HAUS6: variants seen among roughly 807,000 people sequenced by gnomAD.
HAUS6 encodes HAUS augmin like complex subunit 6, also known as HAUS augmin-like complex subunit 6.
In HAUS6, 80 loss-of-function variants were observed where a neutral mutation model predicts 106.8. The ratio of observed to expected loss-of-function variants is 0.75; its 90% CI spans 0.63 to 0.90. The LOEUF (loss-of-function observed/expected upper bound fraction) is 0.90, where lower values mean the gene tolerates loss of function less well. Among genes scored for constraint, HAUS6 ranks in the 40% least tolerant of loss-of-function variants. HAUS6 has a pLI of 0.00. For missense variants in HAUS6, 1,155 were observed against 1,118.1 expected, an observed-to-expected ratio of 1.03 and a Z score of -0.47; for synonymous variants, 356 against 379.1, an observed-to-expected ratio of 0.94 and a Z score of 0.71.
At position 19,094,371 on chromosome 9, in the gene HAUS6, T is replaced by C. The variant is rs777747302; in HGVS notation, c.249A>G (p.Gln83=). Residue 83 remains glutamine, a synonymous_variant, in exon 3 of 17, where the codon CAA becomes CAG. Transcript: ENST00000380502. The part of the protein sequence containing the change: ...VFKFCWPPFD[Q]KSDTEFRKHC... ...GTTTTCGGAATTCAGTGTCACTTTT[T>C]TGGTCAAATGGGGGCCAACAAAATC... The C allele has an allele frequency of 6.2e-7, 1 of 1,608,248 alleles. No individual in the cohort carries two copies. The highest frequency in any genetic ancestry group is 8.5e-7 in the Non-Finnish European group (1 of 1,175,294).
At chr9:19,057,912 G>T in intron 16 of HAUS6, 49 bp downstream of exon 16, 1 of 1,094,290 alleles carries the variant, frequency 9.1e-7, no homozygotes, top group Non-Finnish European at 1.3e-6. Context: ...ATCAAAAGTT[G>T]AGAGAAAACT....
At chr9:19,098,877 C>T (rs890899821) in intron 1 of HAUS6, among the ~76,000 whole-genome samples, 27 of 152,026 alleles carry the variant, frequency 1.8e-4, no homozygotes, top group African/African-American at 5.8e-4. Context: ...ACAAAATTAG[C>T]AGGGCATGGT....
chr9:19,071,573 CT>C (rs34684530), intron 11 of HAUS6, among the ~76,000 whole-genome samples: 59,536 of 109,178 alleles, frequency 0.55, 14,147 homozygotes, highest in African/African-American at 0.66. Context: ...AAAATATTTT[CT>C]TTTTTTTTTT....
At chr9:19,089,348 A>T (rs1380032016) in intron 5 of HAUS6, 64 bp downstream of exon 5, 1 of 1,032,400 alleles carries the variant, frequency 9.7e-7, no homozygotes, top group African/African-American at 1.6e-5. Flanking sequence ...TTCTCCTGAC[A>T]TTATATTGGT....
chr9:19,067,933 A>G (rs1836798439), intron 12 of HAUS6, among the ~76,000 whole-genome samples: 1 of 151,850 alleles, frequency 6.6e-6, no homozygotes, highest in Non-Finnish European at 1.5e-5. Flanking sequence ...ACCTCAGGTG[A>G]GCCACCCACC....
At chr9:19,092,852 G>A (rs190904651) in intron 4 of HAUS6, among the ~76,000 whole-genome samples, 317 of 150,082 alleles carry the variant, frequency 2.1e-3, no homozygotes, top group Middle Eastern at 0.014. Context: ...TTGAACCTGG[G>A]AGGCAGAGGT....
At chr9:19,077,824 G>A (rs572950437) in intron 10 of HAUS6, among the ~76,000 whole-genome samples, 2 of 152,228 alleles carry the variant, frequency 1.3e-5, no homozygotes, top group Admixed American at 1.3e-4. Context: ...CTTTGGGGAG[G>A]CCGAGGCAGG....
rs181578658 is a variant in HAUS6 at position 19,075,632 on chromosome 9, C to T, written c.1294+970G>A. The stretch of plus-strand genomic sequence containing the variant: ...TATGACTTCATTTATATGAAATATC[C>T]AGAACAGACAAATACATAGAGATAA... On this transcript the variant is annotated intron_variant, in intron 11 of 16. Transcript: ENST00000380502. Among the ~76,000 whole-genome samples the T allele has an allele frequency of 4.6e-5, 7 of 151,802 alleles. No individual in the cohort carries two copies. The East Asian group carries it at 1.4e-3, about 29-fold the overall frequency.
chr9:19,089,509 G>GC lies in HAUS6; in HGVS notation c.486dup (p.His163AlafsTer12). ...AAATGGCATCTGGCAATGCATTTGT[G>GC]CAAGTCCTGTGGTTTTATGTTAAAT... On this transcript the variant is annotated frameshift_variant, in exon 5 of 17. Coordinates refer to ENST00000380502, the MANE Select transcript of HAUS6 (RefSeq NM_017645.5). LOFTEE classifies it high-confidence loss of function. 6.2e-7 allele frequency: 1 copy of GC among 1,610,066 alleles called. No individual in the cohort carries two copies. The highest frequency in any genetic ancestry group is 8.5e-7 in the Non-Finnish European group (1 of 1,176,376).
chr9:19,080,581 T>A lies in HAUS6; in HGVS notation c.962A>T (p.Glu321Val), dbSNP rs753756776. Reference sequence around the variant, plus strand: ...TCTTGCTTGATCAGCCTGACAACGTTCATATTTCATCACCTTCAAGACTTC... The same window carrying A: ...TCTTGCTTGATCAGCCTGACAACGTACATATTTCATCACCTTCAAGACTTC... ...LNEVLKVMKYERCQADQARLT... is the reference protein window; with the variant it reads ...LNEVLKVMKYVRCQADQARLT... The change falls in exon 9 of 17, where the codon GAA becomes GTA. Residue 321 changes from glutamate to valine, a missense_variant. Coordinates refer to ENST00000380502, the MANE Select transcript of HAUS6 (RefSeq NM_017645.5). 1 of 1,594,448 alleles carries A rather than the reference T, an allele frequency of 6.3e-7. No individual in the cohort carries two copies. Among genetic ancestry groups the A allele is most frequent in the East Asian group, 2.2e-5 (1 of 44,758 alleles).
chr9:19,084,662 T>A (rs1837245350), intron 7 of HAUS6, among the ~76,000 whole-genome samples: 1 of 150,600 alleles, frequency 6.6e-6, no homozygotes, highest in Admixed American at 6.6e-5. Flanking sequence ...AAACAAGGTC[T>A]CACTCTGTCA....
rs1817818119 is a variant in HAUS6 at position 19,094,399 on chromosome 9, G to C, written c.225-4C>G. ...GTCAAATGGGGGCCAACAAAATCTGGAAAACAAAAATAAAAGCGTAAGGAC... is the reference window on the plus strand; with the variant it reads ...GTCAAATGGGGGCCAACAAAATCTGCAAAACAAAAATAAAAGCGTAAGGAC... On this transcript the variant is annotated splice_region_variant and splice_polypyrimidine_tract_variant and intron_variant, in intron 2 of 16. Coordinates refer to ENST00000380502, the MANE Select transcript of HAUS6 (RefSeq NM_017645.5). 1.3e-6 allele frequency: 2 copies of C among 1,570,230 alleles called. No individual in the cohort carries two copies.
Position 19,102,636 on chromosome 9 carries a change from C to T in HAUS6, c.16G>A (p.Val6Ile), listed in dbSNP as rs566891718. The part of the protein sequence containing the change: MSSAS[V>I]TAFEKEHLWM... The stretch of plus-strand genomic sequence containing the variant: ...AGATGCTCCTTCTCGAAAGCGGTGA[C>T]CGAGGCCGAGCTCATCCTCGCGGTA... Residue 6 changes from valine (V) to isoleucine (I), a missense_variant, in exon 1 of 17, where the codon GTC becomes ATC. By Grantham distance (29) the Val-to-Ile change is conservative. Transcript: ENST00000380502. 3.7e-5 allele frequency: 60 copies of T among 1,612,584 alleles called. 3 individuals carry two copies. The South Asian group carries it at 6.3e-4, about 17-fold the overall frequency.
At chr9:19,059,634 A>G (rs1315941142) in intron 15 of HAUS6, among the ~76,000 whole-genome samples, 1 of 152,230 alleles carries the variant, frequency 6.6e-6, no homozygotes, top group African/African-American at 2.4e-5. Context: ...TACACAAATT[A>G]CAGGTTATAG....
intron 4 of HAUS6, 144 bp from the exon 5 acceptor site, chr9:19,089,703 G>C: frequency 1.8e-6 from 1 of 543,920 alleles, no homozygotes; most frequent in Non-Finnish European, 3.1e-6. Context: ...AAGGAAAACA[G>C]ACTTACAAGC....
rs1233267366 is a variant in HAUS6, at chr9:19,089,530, T to G, written c.466A>C (p.Asn156His). 1.2e-6 allele frequency: 2 copies of G among 1,610,790 alleles called. No homozygotes were observed. The highest frequency in any genetic ancestry group is 8.5e-7 in the Non-Finnish European group (1 of 1,177,184). The change falls in exon 5 of 17, where the codon AAC (asparagine) becomes CAC (histidine). Residue 156 changes from asparagine to histidine, a missense_variant. Physicochemically the swap from Asn to His is moderately conservative, Grantham distance 68. This residue lies in a region of HAUS6 where 761 missense variants were observed against 690.0 expected (regional missense o/e 1.10). Coordinates refer to ENST00000380502, the MANE Select transcript of HAUS6 (RefSeq NM_017645.5). ...TTGTGCAAGTCCTGTGGTTTTATGT[T>G]AAATGTCTCTACAAAATGATGAGAA... is the stretch of plus-strand genomic sequence containing the variant. ...NSSHHFVETFNIKPQDLHKCI... is the reference protein window; with the variant it reads ...NSSHHFVETFHIKPQDLHKCI...
intron 11 of HAUS6, among the ~76,000 whole-genome samples, chr9:19,075,812 C>T (rs1316311241): frequency 1.3e-5 from 2 of 151,812 alleles, no homozygotes. Flanking sequence ...AAAAAATTAG[C>T]CAGGTGTGGT....
intron 14 of HAUS6, 112 bp downstream of exon 14, chr9:19,062,896 G>T: frequency 1.3e-6 from 1 of 795,050 alleles, no homozygotes; most frequent in Non-Finnish European, 2.1e-6. Flanking sequence ...GAACTTCTGG[G>T]CTCAAATGTT....
chr9:19,073,409 G>C (rs900253831), intron 11 of HAUS6, among the ~76,000 whole-genome samples: 6 of 143,254 alleles, frequency 4.2e-5, no homozygotes, highest in African/African-American at 1.7e-4. Context: ...CTCAGATCAA[G>C]GTTCTATACT....
Sources: gnomAD v4.1 joint callset for allele counts (sites outside exome capture counted in the v4.1 genomes callset) on GRCh38, gnomAD v4.1.1 for gene constraint, gnomAD v4.1.1 regional missense constraint, MANE v1.5 for transcripts, NCBI Gene and HGNC (gene_info 2026-07-23, HGNC 2026-07-21) for gene names.